ZNF395: variants seen among roughly 807,000 people sequenced by gnomAD.
ZNF395 encodes the protein zinc finger protein 395.
In ZNF395, 20 loss-of-function variants were observed where a neutral mutation model predicts 57.7. The observed-to-expected ratio is 0.35, with a 90% CI of 0.24 to 0.50. ZNF395 has a LOEUF of 0.50. ZNF395 is among the 20% of genes least tolerant of loss of function. ZNF395 has a pLI of 0.97. For missense variants in ZNF395, 606 were observed against 671.2 expected, an observed-to-expected ratio of 0.90 and a Z score of 1.07; for synonymous variants, 295 against 275.9, an observed-to-expected ratio of 1.07 and a Z score of -0.69.
Position 28,357,506 on chromosome 8 carries a change from T to G in ZNF395, c.474-727A>C, listed in dbSNP as rs544681944. ...ACTAGAGCTGTCTACAAGTTAATGCTAAAGTATTAGTAAAAGTTAGTCTGA... is the reference window on the plus strand; with the variant it reads ...ACTAGAGCTGTCTACAAGTTAATGCGAAAGTATTAGTAAAAGTTAGTCTGA... On this transcript the variant is annotated intron_variant, in intron 3 of 9. Transcript: ENST00000344423. Among the ~76,000 whole-genome samples, 22 of 152,374 alleles carry G rather than the reference T, an allele frequency of 1.4e-4. No homozygotes were observed. The South Asian group carries it at 4.6e-3, about 32-fold the overall frequency.
At position 28,361,625 on chromosome 8, in the gene ZNF395, TCTGCCTGC is replaced by T. The variant is rs570981215; in HGVS notation, c.-58-451_-58-444del. 5.6e-4 allele frequency among the ~76,000 whole-genome samples: 86 copies of T among 152,350 alleles called. No homozygotes were observed. In the South Asian group the frequency reaches 9.5e-3, roughly 17 times the overall value. On this transcript the variant is annotated intron_variant, in intron 1 of 9. Transcript: ENST00000344423. ...CCCAATGGTCTGCTGTCTAAACTTC[TCTGCCTGC>T]AGTGAGCATCCTCTGAGCTAAACCT...
At chr8:28,378,051 C>T (rs1802065638) in intron 1 of ZNF395, among the ~76,000 whole-genome samples, 1 of 152,038 alleles carries the variant, frequency 6.6e-6, no homozygotes, top group Non-Finnish European at 1.5e-5. Flanking sequence ...TGACACCACA[C>T]CCAGCATGAT....
At position 28,359,107 on chromosome 8, in the gene ZNF395, C is replaced by T. The variant is rs1200981583; in HGVS notation, c.473+485G>A. ...TAATAGAGCTATGGAAAAGAAAAGA[C>T]GCCACTCGGCCAGGCATGGTGGCTC... On this transcript the variant is annotated intron_variant, in intron 3 of 9. Coordinates refer to ENST00000344423, the MANE Select transcript of ZNF395 (RefSeq NM_018660.3). This position sits in a 1 kb window ranked among gnomAD's most constrained non-coding sequence, Gnocchi z 4.7. Among the ~76,000 whole-genome samples the T allele has an allele frequency of 2.0e-5, 3 of 152,130 alleles. No homozygotes were observed. The highest frequency in any genetic ancestry group is 3.9e-4 in the East Asian group (2 of 5,188).
chr8:28,371,062 C>T (rs1801970184), intron 1 of ZNF395, among the ~76,000 whole-genome samples: 1 of 152,234 alleles, frequency 6.6e-6, no homozygotes, highest in Non-Finnish European at 1.5e-5. Context: ...TAAATACCAT[C>T]ATCATTCCCA....
At chr8:28,364,853 T>C (rs1271330535) in intron 1 of ZNF395, among the ~76,000 whole-genome samples, 3 of 152,204 alleles carry the variant, frequency 2.0e-5, no homozygotes, top group African/African-American at 7.2e-5. Context: ...AAATCTCTTC[T>C]CCACTTGGAT....
intron 3 of ZNF395, among the ~76,000 whole-genome samples, chr8:28,358,321 G>GCTGGT (rs1563338163): frequency 6.6e-6 from 1 of 151,846 alleles, no homozygotes; most frequent in African/African-American, 2.4e-5. Context: ...TGTTGGCCAG[G>GCTGGT]CTGGTCTCAA....
At chr8:28,380,046 T>C (rs1022203908) in intron 1 of ZNF395, among the ~76,000 whole-genome samples, 1 of 152,220 alleles carries the variant, frequency 6.6e-6, no homozygotes, top group Non-Finnish European at 1.5e-5. Context: ...TAAACATTAT[T>C]TTTCATGACT....
At chr8:28,375,983 TTTTG>T (rs1470047022) in intron 1 of ZNF395, among the ~76,000 whole-genome samples, 1 of 152,050 alleles carries the variant, frequency 6.6e-6, no homozygotes, top group African/African-American at 2.4e-5. Flanking sequence ...GTTTTTTGTG[TTTTG>T]TTTTTCTTTT....
chr8:28,351,576 C>T lies in ZNF395; in HGVS notation c.1152G>A (p.Pro384=), dbSNP rs145491469. The change falls in exon 7 of 10, where the codon CCG becomes CCA. Residue 384 remains proline (P), a synonymous_variant. Transcript: ENST00000344423. ...AQSSGPEHPG[P]ESSLPSGALS... is the part of the protein sequence containing the mutation. The stretch of plus-strand genomic sequence containing the variant: ...GAGCCCCTGAGGGCAGGGAGGACTC[C>T]GGGCCAGGATGTTCTGGGCCGGAGG... The T allele has an allele frequency of 1.3e-4, 212 of 1,613,758 alleles. 2 individuals carry two copies. The African/African-American group carries it at 2.5e-3, about 19-fold the overall frequency.
At position 28,361,126 on chromosome 8, in the gene ZNF395, C is replaced by T; in HGVS notation, c.-2G>A. On this transcript the variant is annotated 5_prime_UTR_variant, in exon 2 of 10. Transcript: ENST00000344423. ...GCGTCGGGACAGGACACTCGCCATG[C>T]TGCTGCCTCTCCTCTCCTGCGGAGG... is the stretch of plus-strand genomic sequence containing the variant. The T allele has an allele frequency of 6.2e-7, 1 of 1,611,668 alleles. No homozygotes were observed. The highest frequency in any genetic ancestry group is 8.5e-7 in the Non-Finnish European group (1 of 1,180,016).
In ZNF395 at chr8:28,349,186, C is replaced by A; in HGVS notation, c.1369G>T (p.Ala457Ser). Residue 457 changes from alanine to serine, a missense_variant, in exon 9 of 10, where the codon GCA (alanine) becomes TCA (serine). Physicochemically the swap from Ala to Ser is moderately conservative, Grantham distance 99 (BLOSUM62 1). This residue lies in a region of ZNF395 where 261 missense variants were observed against 240.3 expected (regional missense o/e 1.09). Transcript: ENST00000344423. Reference protein sequence around the residue: ...SLSFSEPQQPAPAMKSHLIVT... With the variant: ...SLSFSEPQQPSPAMKSHLIVT... ...ATCAGATGAGATTTCATCGCAGGTG[C>A]TGGCTGCTGGGGCTCGCTGAAGCTT... The A allele has an allele frequency of 1.3e-6, 2 of 1,562,994 alleles. No homozygotes were observed. Among genetic ancestry groups the A allele is most frequent in the Non-Finnish European group, 1.7e-6 (2 of 1,155,040 alleles).
rs1465651654 is a variant in ZNF395 at position 28,385,778 on chromosome 8, C to G, written c.-59+615G>C. On this transcript the variant is annotated intron_variant, in intron 1 of 9. Transcript: ENST00000344423. ...GAGGGGGCTCCGAGAGTGGGGGCGCCGGCGGAGGGCGAGGTAAACAAGGCG... is the reference window on the plus strand; with the variant it reads ...GAGGGGGCTCCGAGAGTGGGGGCGCGGGCGGAGGGCGAGGTAAACAAGGCG... 2.7e-5 allele frequency among the ~76,000 whole-genome samples: 4 copies of G among 147,714 alleles called. No homozygotes were observed. The South Asian group carries it at 8.4e-4, about 31-fold the overall frequency.
intron 2 of ZNF395, among the ~76,000 whole-genome samples, chr8:28,360,034 T>C (rs1402874146): frequency 6.6e-6 from 1 of 152,186 alleles, no homozygotes; most frequent in African/African-American, 2.4e-5. Context: ...CAGATCCTTA[T>C]CAGCTCTCTA....
intron 1 of ZNF395, among the ~76,000 whole-genome samples, chr8:28,363,714 A>T (rs892129668): frequency 1.3e-5 from 2 of 152,220 alleles, no homozygotes; most frequent in African/African-American, 4.8e-5. Context: ...AAATGAAGAA[A>T]GGGTAGTATT....
chr8:28,370,166 A>G (rs950788291), intron 1 of ZNF395, among the ~76,000 whole-genome samples: 1 of 152,194 alleles, frequency 6.6e-6, no homozygotes. Context: ...CATTTTTGAC[A>G]TCAGTTAGAT....
rs191919100 is a variant in ZNF395, at chr8:28,371,523, T to A, written c.-58-10341A>T. Among the ~76,000 whole-genome samples the A allele has an allele frequency of 5.5e-4, 84 of 152,286 alleles. 1 individual carries two copies. The East Asian group carries it at 0.015, about 28-fold the overall frequency. On this transcript the variant is annotated intron_variant, in intron 1 of 9. Coordinates refer to ENST00000344423, the MANE Select transcript of ZNF395 (RefSeq NM_018660.3). ...CTATGTTGTACAGCCAGGAAATGTA[T>A]GCATCAAGTGACAGACCAAACTAGA...
At chr8:28,349,055 G>T in intron 9 of ZNF395, 70 bp downstream of exon 9, 1 of 1,444,818 alleles carries the variant, frequency 6.9e-7, no homozygotes, top group Non-Finnish European at 9.4e-7. Context: ...ATCTGGGTGG[G>T]GTCGGAGTCC....
chr8:28,351,946 C>G, intron 6 of ZNF395, 139 bp from the exon 7 acceptor site: 2 of 942,688 alleles, frequency 2.1e-6, no homozygotes, highest in Non-Finnish European at 3.1e-6. Flanking sequence ...ACCCAGGTGC[C>G]TCGCTCCTGA....
Position 28,353,327 on chromosome 8 carries a change from C to T in ZNF395, c.665G>A (p.Ser222Asn). The change falls in exon 5 of 10, where the codon AGT (serine) becomes AAT (asparagine). Residue 222 changes from serine (S) to asparagine (N), a missense_variant. Ser to Asn is a conservative substitution (Grantham distance 46). Around this residue, in one of 3 missense-constraint regions of ZNF395, gnomAD observed 309 missense variants for 374.7 expected, o/e 0.82. Coordinates refer to ENST00000344423, the MANE Select transcript of ZNF395 (RefSeq NM_018660.3). ...SGSSTTSGHW[S>N]GSSGVSTPSP... ...GGGGGTGGAGACACCACTGCTCCCA[C>T]TCCAGTGACCGCTGGTAGTGCTGCT... 6.2e-7 allele frequency: 1 copy of T among 1,606,874 alleles called. No individual in the cohort carries two copies. Among genetic ancestry groups the T allele is most frequent in the Non-Finnish European group, 8.5e-7 (1 of 1,176,802 alleles).
Sources: allele counts gnomAD v4.1 joint callset (sites outside exome capture counted in the v4.1 genomes callset), GRCh38; gene constraint gnomAD v4.1.1; regional missense constraint gnomAD v4.1.1; non-coding constraint Gnocchi (gnomAD v3.1); transcripts MANE v1.5; gene names NCBI Gene and HGNC (gene_info 2026-07-23, HGNC 2026-07-21).